The following GET4 variants were observed in gnomAD, a reference collection of about 807,000 sequenced individuals.
GET4 encodes the protein guided entry of tail-anchored proteins factor 4.
In GET4, 20 loss-of-function variants were observed where a neutral mutation model predicts 40.0. That is an observed-to-expected ratio of 0.50 (90% CI 0.35 to 0.73). The LOEUF (loss-of-function observed/expected upper bound fraction) is 0.73, where lower values mean the gene tolerates loss of function less well. Among genes scored for constraint, GET4 ranks in the 30% least tolerant of loss-of-function variants. The pLI is 0.01. For synonymous variants in GET4, 280 were observed against 194.6 expected (o/e 1.44, Z -3.65); for missense variants, 557 against 454.0 (o/e 1.23, Z -2.06).
At chr7:883,656 AGT>A in intron 1 of GET4, 1 of 985,546 alleles carries the variant, frequency 1.0e-6, no homozygotes, top group Non-Finnish European at 1.2e-6. Flanking sequence ...CACGGCCAAT[AGT>A]GCGCAGCATG....
intron 1 of GET4, among the ~76,000 whole-genome samples, chr7:877,285 C>T (rs985500955): frequency 2.1e-5 from 3 of 144,180 alleles, no homozygotes; most frequent in Non-Finnish European, 4.6e-5. Flanking sequence ...GTCTCTCTGT[C>T]CTCGGCCTCT....
At position 891,058 on chromosome 7, in the gene GET4, C is replaced by G. The variant is rs999809216; in HGVS notation, c.597C>G (p.Ala199=). ...AGGTGGACATGTTCGTGGCCCAGGC[C>G]GTGCTACAGTAGGTGTCTGTGGCTC... ...RSEVDMFVAQ[A]VLQFLCLKNK... The change falls in exon 5 of 9, where the codon GCC becomes GCG. Residue 199 remains alanine, a synonymous_variant. Coordinates refer to ENST00000265857, the MANE Select transcript of GET4 (RefSeq NM_015949.3). 9.4e-6 allele frequency: 15 copies of G among 1,601,590 alleles called. No individual in the cohort carries two copies. Among genetic ancestry groups the G allele is most frequent in the Non-Finnish European group, 1.2e-5 (14 of 1,171,506 alleles).
intron 2 of GET4, 167 bp from the exon 3 acceptor site, chr7:886,402 G>A: frequency 4.7e-6 from 3 of 634,096 alleles, no homozygotes; most frequent in Non-Finnish European, 8.5e-6. Flanking sequence ...GTGATTCTCG[G>A]CCAGGAGCTC....
rs78051561 is a variant in GET4 at position 880,911 on chromosome 7, C to T, written c.155+4111C>T. 2,142 of 152,354 alleles carry T rather than the reference C, an allele frequency of 0.014. 65 individuals are homozygous for T. In the East Asian group the frequency reaches 0.15, roughly 11 times the overall value. 9.4% of individuals were successfully genotyped at this position (152,354 alleles called of 1,614,324 possible). A position where few individuals can be genotyped will look rare whatever the true frequency, so the allele number is the denominator to read the frequency against. ...ACAGAGTCTTGCTCTGTCGCTCAGA[C>T]TGGAGAGCAGTGGCGCGATCTCAGC... On this transcript the variant is annotated intron_variant, in intron 1 of 8. Transcript: ENST00000265857.
chr7:884,366 C>G (rs1413996091), intron 1 of GET4: 1 of 1,302,562 alleles, frequency 7.7e-7, no homozygotes, highest in Non-Finnish European at 1.0e-6. Context: ...AGTCAGTGGT[C>G]CTGTCGAGGC....
intron 6 of GET4, among the ~76,000 whole-genome samples, chr7:893,153 GGT>G: frequency 1.4e-5 from 2 of 147,636 alleles, no homozygotes; most frequent in East Asian, 2.0e-4. Flanking sequence ...GTGAGTGTTG[GGT>G]GTAGGCGTGG....
Position 876,570 on chromosome 7 carries a change from G to C in GET4, c.-76G>C. 8.9e-7 allele frequency: 1 copy of C among 1,127,654 alleles called. No individual in the cohort carries two copies. The highest frequency in any genetic ancestry group is 1.1e-6 in the Non-Finnish European group (1 of 917,522). The allele number at this position is 1,127,654 out of a possible 1,614,324, so 69.9% of individuals were successfully genotyped here. On this transcript the variant is annotated 5_prime_UTR_variant, in exon 1 of 9. Coordinates refer to ENST00000265857, the MANE Select transcript of GET4 (RefSeq NM_015949.3). ...GGCCACCGTAGAAGGGCGTCGGGCG[G>C]CCGTCGGGACGGAAGCCGGGAGGCG...
chr7:893,527 G>GCA (rs1844389490), intron 6 of GET4, among the ~76,000 whole-genome samples: 1 of 134,710 alleles, frequency 7.4e-6, no homozygotes, highest in African/African-American at 2.8e-5. Flanking sequence ...TGAGTGTTGG[G>GCA]TGTAGGCGTG....
At chr7:883,540 A>C in intron 1 of GET4, 7 of 985,370 alleles carry the variant, frequency 7.1e-6, no homozygotes, top group Non-Finnish European at 8.4e-6. Context: ...CTGTGGATAC[A>C]GATGTTTTGG....
At chr7:892,562 TG>T (rs1325985014) in intron 6 of GET4, 144 bp downstream of exon 6, 1 of 783,856 alleles carries the variant, frequency 1.3e-6, no homozygotes, top group Non-Finnish European at 2.0e-6. Flanking sequence ...GTATGAGTGC[TG>T]GGTGTAGACG....
At chr7:877,319 C>T (rs562462646) in intron 1 of GET4, among the ~76,000 whole-genome samples, 40 of 139,184 alleles carry the variant, frequency 2.9e-4, no homozygotes, top group Non-Finnish European at 4.7e-4. Context: ...CTCGCTCTCC[C>T]TGGCCTCCCC....
At position 893,787 on chromosome 7, in the gene GET4, C is replaced by T; in HGVS notation, c.794C>T (p.Ser265Phe). ...FTVLCEQYQP[S>F]LRRDPMYNEY... ...GTGCTGTGTGAGCAGTACCAGCCAT[C>T]CCTCCGGCGGGACCCCATGTACAAC... Residue 265 changes from serine (S) to phenylalanine (F), a missense_variant, in exon 7 of 9, where the codon TCC becomes TTC. Coordinates refer to ENST00000265857, the MANE Select transcript of GET4 (RefSeq NM_015949.3). 1.2e-6 allele frequency: 2 copies of T among 1,611,386 alleles called. No individual in the cohort carries two copies. The highest frequency in any genetic ancestry group is 1.7e-6 in the Non-Finnish European group (2 of 1,178,230).
chr7:891,428 C>T (rs1480961787), intron 5 of GET4, among the ~76,000 whole-genome samples: 4 of 152,278 alleles, frequency 2.6e-5, no homozygotes, highest in African/African-American at 9.6e-5. Flanking sequence ...CCCCGCGGCC[C>T]CTCCCGCCAG....
chr7:893,843 A>AG (rs756599644), intron 7 of GET4, 28 bp downstream of exon 7: 3 of 1,604,634 alleles, frequency 1.9e-6, no homozygotes, highest in East Asian at 4.5e-5. Context: ...GGGAGGGAGG[A>AG]GGGGACCCCA....
chr7:889,688 G>A (rs994997169), intron 4 of GET4, among the ~76,000 whole-genome samples: 11 of 147,252 alleles, frequency 7.5e-5, no homozygotes, highest in Non-Finnish European at 1.2e-4. Flanking sequence ...TGGGGCGAGC[G>A]GGTGTTAGGA....
intron 8 of GET4, among the ~76,000 whole-genome samples, chr7:894,448 G>C (rs1434492476): frequency 1.3e-5 from 2 of 152,200 alleles, no homozygotes; most frequent in African/African-American, 2.4e-5. Context: ...AGCGTCACCT[G>C]TCTGGGTTTA....
intron 4 of GET4, among the ~76,000 whole-genome samples, chr7:888,126 T>G (rs1437187769): frequency 6.6e-6 from 1 of 152,142 alleles, no homozygotes; most frequent in Non-Finnish European, 1.5e-5. Context: ...CCGTCAGGCG[T>G]CAGGAGGCCT....
Position 887,123 on chromosome 7 carries a change from G to C in GET4, c.317-247G>C, listed in dbSNP as rs6947000. The C allele has an allele frequency of 1.0e-5, 7 of 666,684 alleles. No individual in the cohort carries two copies. In the Admixed American group the frequency reaches 1.2e-4, roughly 12 times the overall value. 41.3% of individuals were successfully genotyped at this position (666,684 alleles called of 1,614,324 possible). A position where few individuals can be genotyped will look rare whatever the true frequency, so the allele number is the denominator to read the frequency against. ...CTGTTCCTGGACTCCAGCTCCCCAC[G>C]GCACCTTCCCCAGCCCCCGCCTCGG... On this transcript the variant is annotated intron_variant, in intron 3 of 8. Coordinates refer to ENST00000265857, the MANE Select transcript of GET4 (RefSeq NM_015949.3).
chr7:895,301 C>G, intron 8 of GET4, 33 bp from the exon 9 acceptor site: 1 of 1,126,176 alleles, frequency 8.9e-7, no homozygotes, highest in Non-Finnish European at 1.3e-6. Flanking sequence ...GGAGGCTGCC[C>G]AGGCGTGACT....
Sources: gnomAD v4.1 joint callset for allele counts (sites outside exome capture counted in the v4.1 genomes callset) on GRCh38, gnomAD v4.1.1 for gene constraint, MANE v1.5 for transcripts, NCBI Gene and HGNC (gene_info 2026-07-23, HGNC 2026-07-21) for gene names.